Variants in USH2A observed in about 807,000 individuals in gnomAD.
The protein encoded by USH2A is Usher syndrome 2A (autosomal recessive, mild).
Under a neutral mutation model 538.9 loss-of-function variants are expected in USH2A, and 443 were observed. That is an observed-to-expected ratio of 0.82 (90% CI 0.76 to 0.89). The LOEUF (loss-of-function observed/expected upper bound fraction) is 0.89. Ranked by LOEUF, USH2A falls within the 40% of genes least tolerant of loss-of-function variation. USH2A has a pLI of 0.00. For missense variants in USH2A, 6,633 were observed against 6,324.8 expected, an observed-to-expected ratio of 1.05 and a Z score of -1.65; for synonymous variants, 2,413 against 2,273.5, an observed-to-expected ratio of 1.06 and a Z score of -1.75.
intron 58 of USH2A, among the ~76,000 whole-genome samples, chr1:215,755,321 G>A (rs542985334): frequency 3.3e-4 from 50 of 152,240 alleles, no homozygotes; most frequent in African/African-American, 1.2e-3. Context: ...CTGTGATGTA[G>A]TCATTTTGTA....
Position 216,271,700 on chromosome 1 carries a change from T to C in USH2A, c.1971+17580A>G, listed in dbSNP as rs561930643. On this transcript the variant is annotated intron_variant, in intron 11 of 71. Transcript: ENST00000307340. Reference sequence around the variant, plus strand: ...TGAGGAAGTTCTCTTGTATTCCTAGTAGGCAGAGGGTATTTATCATGAAAG... The same window carrying C: ...TGAGGAAGTTCTCTTGTATTCCTAGCAGGCAGAGGGTATTTATCATGAAAG... Among the ~76,000 whole-genome samples, 22 of 152,198 alleles carry C rather than the reference T, an allele frequency of 1.4e-4. 1 individual carries two copies. The South Asian group carries it at 4.3e-3, about 30-fold the overall frequency.
At chr1:215,922,950 G>A (rs1332955603) in intron 38 of USH2A, among the ~76,000 whole-genome samples, 1 of 152,036 alleles carries the variant, frequency 6.6e-6, no homozygotes, top group African/African-American at 2.4e-5. Flanking sequence ...CAAATGAAGT[G>A]GCTCTGAGGA....
chr1:216,283,754 A>G (rs1012426870), intron 11 of USH2A, among the ~76,000 whole-genome samples: 1 of 152,098 alleles, frequency 6.6e-6, no homozygotes, highest in African/African-American at 2.4e-5. Flanking sequence ...CTTTGAAAAT[A>G]TTTTTTGACT....
chr1:216,187,138 T>C (rs2034624568), intron 20 of USH2A, among the ~76,000 whole-genome samples: 1 of 151,886 alleles, frequency 6.6e-6, no homozygotes, highest in African/African-American at 2.4e-5. Flanking sequence ...TTATCTGAAA[T>C]AGCATTTAAT....
At chr1:216,327,264 T>G (rs1457156187) in intron 5 of USH2A, among the ~76,000 whole-genome samples, 1 of 152,136 alleles carries the variant, frequency 6.6e-6, no homozygotes, top group Non-Finnish European at 1.5e-5. Flanking sequence ...TAGAAGTTTC[T>G]CAAGTATTGT....
At chr1:216,270,867 G>A (rs1165143975) in intron 11 of USH2A, among the ~76,000 whole-genome samples, 1 of 151,998 alleles carries the variant, frequency 6.6e-6, no homozygotes, top group Non-Finnish European at 1.5e-5. Context: ...GAGCCACTGT[G>A]CCTTGCCTCA....
intron 11 of USH2A, among the ~76,000 whole-genome samples, chr1:216,269,215 T>A (rs1391821096): frequency 6.6e-6 from 1 of 152,044 alleles, no homozygotes; most frequent in Non-Finnish European, 1.5e-5. Context: ...CAGTGGGAAA[T>A]AATTGAATCA....
chr1:215,743,360 A>AGAGAG, intron 58 of USH2A, 25 bp from the exon 59 acceptor site: 17 of 1,260,428 alleles, frequency 1.3e-5, no homozygotes, highest in Non-Finnish European at 1.9e-5. Flanking sequence ...AGAGAGAGAG[A>AGAGAG]ACATTAAAAA....
At chr1:215,773,176 G>A (rs948262188) in intron 55 of USH2A, among the ~76,000 whole-genome samples, 1 of 152,120 alleles carries the variant, frequency 6.6e-6, no homozygotes, top group Non-Finnish European at 1.5e-5. Flanking sequence ...TAAACAAGCT[G>A]GGTGCTTGCA....
At chr1:215,762,675 G>T (rs1558087236) in intron 56 of USH2A, among the ~76,000 whole-genome samples, 1 of 152,136 alleles carries the variant, frequency 6.6e-6, no homozygotes, top group Non-Finnish European at 1.5e-5. Context: ...ATATATTAAT[G>T]AGTCCGAGGT....
chr1:215,751,313 T>A (rs1660614752), intron 58 of USH2A, among the ~76,000 whole-genome samples: 1 of 152,150 alleles, frequency 6.6e-6, no homozygotes, highest in Non-Finnish European at 1.5e-5. Flanking sequence ...GCTAATTCCT[T>A]CTTTAATGGA....
intron 61 of USH2A, among the ~76,000 whole-genome samples, chr1:215,707,483 A>G (rs900272549): frequency 1.2e-4 from 19 of 152,208 alleles, no homozygotes; most frequent in African/African-American, 2.4e-5. Context: ...AGTACCTGGC[A>G]CATCACTGTC....
chr1:216,303,920 G>A (rs770573929), intron 9 of USH2A, among the ~76,000 whole-genome samples: 6 of 151,882 alleles, frequency 4.0e-5, no homozygotes, highest in Non-Finnish European at 8.8e-5. Context: ...AACTATAAAT[G>A]TACACAGTAA....
chr1:216,096,933 T>G lies in USH2A; in HGVS notation c.4758+150A>C. 5.8e-6 allele frequency: 5 copies of G among 869,354 alleles called. No homozygotes were observed. In the South Asian group the frequency reaches 9.0e-5, roughly 16 times the overall value. 53.9% of individuals were successfully genotyped at this position (869,354 alleles called of 1,614,324 possible). Reference sequence around the variant, plus strand: ...GCAAGTCACATTACTTTTGTAAGTTTCATTTTCTTGATTGGCAAAATGGGG... The same window carrying G: ...GCAAGTCACATTACTTTTGTAAGTTGCATTTTCTTGATTGGCAAAATGGGG... On this transcript the variant is annotated intron_variant, in intron 22 of 71. Coordinates refer to ENST00000307340, the MANE Select transcript of USH2A (RefSeq NM_206933.4).
intron 42 of USH2A, 36 bp from the exon 43 acceptor site, chr1:215,877,916 C>A: frequency 1.9e-6 from 3 of 1,612,946 alleles, no homozygotes; most frequent in Non-Finnish European, 2.5e-6. Flanking sequence ...TCAGGATTAT[C>A]TCAACTCATA....
chr1:215,675,858 A>T (rs1477387540), intron 62 of USH2A, among the ~76,000 whole-genome samples: 1 of 151,940 alleles, frequency 6.6e-6, no homozygotes, highest in African/African-American at 2.4e-5. Flanking sequence ...GAACTACATA[A>T]ACATTTATCT....
chr1:215,765,441 C>A (rs1193952729), intron 56 of USH2A, among the ~76,000 whole-genome samples: 3 of 152,094 alleles, frequency 2.0e-5, no homozygotes, highest in African/African-American at 7.2e-5. Flanking sequence ...GTACAACAAT[C>A]CATTTCATTA....
chr1:215,840,161 C>T (rs1435090953), intron 46 of USH2A, among the ~76,000 whole-genome samples: 1 of 57,982 alleles, frequency 1.7e-5, no homozygotes, highest in Admixed American at 3.1e-4. Context: ...GAGACTCTGT[C>T]TCAAAAAAAA....
At chr1:215,876,212 T>C (rs1401270755) in intron 43 of USH2A, among the ~76,000 whole-genome samples, 1 of 152,088 alleles carries the variant, frequency 6.6e-6, no homozygotes, top group African/African-American at 2.4e-5. Flanking sequence ...TAATGAGCAT[T>C]ATAATTTAGG....
Sources: allele counts gnomAD v4.1 joint callset (sites outside exome capture counted in the v4.1 genomes callset), GRCh38; gene constraint gnomAD v4.1.1; transcripts MANE v1.5; gene names NCBI Gene and HGNC (gene_info 2026-07-23, HGNC 2026-07-21).